Variants in RORB observed in about 807,000 individuals in gnomAD.
RORB encodes RAR related orphan receptor B.
In RORB, 6 loss-of-function variants were observed where a neutral mutation model predicts 59.1. The observed-to-expected ratio is 0.10, with a 90% CI of 0.06 to 0.20. The LOEUF (loss-of-function observed/expected upper bound fraction) is 0.20, where lower values mean the gene tolerates loss of function less well. Ranked by LOEUF, RORB falls within the 10% of genes least tolerant of loss-of-function variation. The probability of loss-of-function intolerance (pLI) is 1.00; values close to 1 mark genes in which losing one functional copy is unlikely to be tolerated. For missense variants in RORB, 320 were observed against 560.5 expected, an observed-to-expected ratio of 0.57 and a Z score of 4.33; for synonymous variants, 215 against 204.5, an observed-to-expected ratio of 1.05 and a Z score of -0.44.
At chr9:74,655,823 G>A (rs1306961334) in intron 4 of RORB, among the ~76,000 whole-genome samples, 2 of 152,124 alleles carry the variant, frequency 1.3e-5, no homozygotes, top group African/African-American at 2.4e-5. Context: ...AAGTCTAGCT[G>A]TACCGCGTCT....
At chr9:74,613,468 G>A (rs186664636) in intron 1 of RORB, among the ~76,000 whole-genome samples, 96 of 152,268 alleles carry the variant, frequency 6.3e-4, no homozygotes, top group Middle Eastern at 3.4e-3. Context: ...TATGCCATAT[G>A]TCTCCGGTGA....
At chr9:74,679,269 C>T (rs576099527) in intron 9 of RORB, among the ~76,000 whole-genome samples, 2 of 152,172 alleles carry the variant, frequency 1.3e-5, no homozygotes, top group South Asian at 4.2e-4. Flanking sequence ...TTGATTTATA[C>T]TTTAAAATGT....
intron 1 of RORB, among the ~76,000 whole-genome samples, chr9:74,517,934 A>G (rs950114581): frequency 2.0e-5 from 3 of 152,034 alleles, no homozygotes; most frequent in Non-Finnish European, 4.4e-5. Flanking sequence ...TGAGATTAGC[A>G]GTATTTTTAT....
chr9:74,531,559 G>A (rs1019768965), intron 1 of RORB, among the ~76,000 whole-genome samples: 2 of 151,912 alleles, frequency 1.3e-5, no homozygotes, highest in Non-Finnish European at 1.5e-5. Flanking sequence ...TCCGTTTAGA[G>A]AGCTCAGACA....
At chr9:74,526,566 T>C (rs1048398650) in intron 1 of RORB, among the ~76,000 whole-genome samples, 1 of 151,952 alleles carries the variant, frequency 6.6e-6, no homozygotes, top group Non-Finnish European at 1.5e-5. Context: ...GATGCATCTG[T>C]AAGACATCCA....
chr9:74,583,079 T>C (rs1822748237), intron 1 of RORB, among the ~76,000 whole-genome samples: 1 of 151,890 alleles, frequency 6.6e-6, no homozygotes, highest in Non-Finnish European at 1.5e-5. Context: ...AAGTGGAAGG[T>C]TGGGGAATGC....
chr9:74,617,881 C>T (rs923330517), intron 1 of RORB, among the ~76,000 whole-genome samples: 1 of 152,150 alleles, frequency 6.6e-6, no homozygotes, highest in African/African-American at 2.4e-5. Flanking sequence ...ATGCCTTTCT[C>T]TAACCTCTAA....
chr9:74,667,906 G>A lies in RORB; in HGVS notation c.1111+5G>A. ...CTGCTGTTCTGATATCTCCAGGTAG[G>A]GCAGTCTCAGTTCTCTTACCTTTTT... On this transcript the variant is annotated splice_donor_5th_base_variant and intron_variant, in intron 8 of 9. Transcript: ENST00000376896. The A allele has an allele frequency of 6.4e-7, 1 of 1,556,234 alleles. No individual in the cohort carries two copies. Among genetic ancestry groups the A allele is most frequent in the African/African-American group, 1.4e-5 (1 of 73,872 alleles).
intron 1 of RORB, among the ~76,000 whole-genome samples, chr9:74,530,353 G>C (rs1275310455): frequency 6.6e-6 from 1 of 152,038 alleles, no homozygotes; most frequent in East Asian, 1.9e-4. Flanking sequence ...AGTGAAGCCA[G>C]TATCTGTAAA....
chr9:74,620,721 G>A (rs2118384978), intron 1 of RORB, among the ~76,000 whole-genome samples: 1 of 152,244 alleles, frequency 6.6e-6, no homozygotes, highest in African/African-American at 2.4e-5. Flanking sequence ...CTTTAAATGT[G>A]TCCTAGAGAT....
intron 1 of RORB, among the ~76,000 whole-genome samples, chr9:74,506,493 G>T (rs753674807): frequency 2.4e-4 from 36 of 152,052 alleles, no homozygotes; most frequent in Non-Finnish European, 4.9e-4. Flanking sequence ...TTAAAGCTCA[G>T]TCATTTTGAA....
intron 1 of RORB, among the ~76,000 whole-genome samples, chr9:74,580,074 A>G (rs1822698629): frequency 6.6e-6 from 1 of 152,130 alleles, no homozygotes; most frequent in Non-Finnish European, 1.5e-5. Flanking sequence ...ATAGGTAGGT[A>G]TGTATAGGAA....
intron 1 of RORB, among the ~76,000 whole-genome samples, chr9:74,550,801 A>G (rs1028081877): frequency 4.6e-5 from 7 of 152,214 alleles, no homozygotes; most frequent in African/African-American, 1.7e-4. Flanking sequence ...TTAGAGCTGC[A>G]TTGTCCAATA....
intron 5 of RORB, among the ~76,000 whole-genome samples, chr9:74,661,203 G>A (rs1185120904): frequency 6.6e-6 from 1 of 152,246 alleles, no homozygotes; most frequent in Admixed American, 6.5e-5. Context: ...CCAAAAAACA[G>A]GACAACTCAT....
intron 1 of RORB, among the ~76,000 whole-genome samples, chr9:74,506,143 C>A (rs1387869885): frequency 2.0e-5 from 3 of 151,742 alleles, no homozygotes; most frequent in Non-Finnish European, 4.4e-5. Context: ...GTAGTGATAT[C>A]TGCTCTAGAG....
chr9:74,642,729 A>G lies in RORB; in HGVS notation c.551A>G (p.Tyr184Cys), dbSNP rs779798482. Residue 184 changes from tyrosine (Y) to cysteine (C), a missense_variant, in exon 4 of 10, where the codon TAT (tyrosine) becomes TGT (cysteine). Transcript: ENST00000376896. ...AAACAGATAAAGCAAGAACCTATCT[A>G]TGACCTCACATCCGTACCCAACTTG... ...GIKQIKQEPIYDLTSVPNLFT... is the reference protein window; with the variant it reads ...GIKQIKQEPICDLTSVPNLFT... 6.2e-7 allele frequency: 1 copy of G among 1,614,170 alleles called. No homozygotes were observed. The highest frequency in any genetic ancestry group is 1.1e-5 in the South Asian group (1 of 91,088).
At chr9:74,575,324 G>A (rs1341545427) in intron 1 of RORB, among the ~76,000 whole-genome samples, 1 of 152,100 alleles carries the variant, frequency 6.6e-6, no homozygotes, top group Non-Finnish European at 1.5e-5. Flanking sequence ...ACAAAGGGAA[G>A]ATGGAGGACC....
chr9:74,513,630 A>C (rs1415085500), intron 1 of RORB, among the ~76,000 whole-genome samples: 1 of 152,084 alleles, frequency 6.6e-6, no homozygotes, highest in African/African-American at 2.4e-5. Context: ...CTAATAAAAG[A>C]CTTTCAAACA....
chr9:74,673,000 A>G (rs1240989965), intron 9 of RORB, among the ~76,000 whole-genome samples: 1 of 152,202 alleles, frequency 6.6e-6, no homozygotes, highest in East Asian at 1.9e-4. Context: ...TCCATGAGTT[A>G]AATATGCTGC....
Sources: gnomAD v4.1 joint callset for allele counts (sites outside exome capture counted in the v4.1 genomes callset) on GRCh38, gnomAD v4.1.1 for gene constraint, MANE v1.5 for transcripts, NCBI Gene and HGNC (gene_info 2026-07-23, HGNC 2026-07-21) for gene names.